Variants in TRIOBP observed in about 807,000 individuals in gnomAD.
TRIOBP encodes the protein TRIO and F-actin binding protein, also known as TRIO and F-actin-binding protein.
In TRIOBP, 169 loss-of-function variants were observed where a neutral mutation model predicts 238.8. That is an observed-to-expected ratio of 0.71 (90% CI 0.62 to 0.80). The LOEUF is 0.80. TRIOBP is among the 30% of genes least tolerant of loss of function. TRIOBP has a pLI of 0.00. For missense variants in TRIOBP, 2,838 were observed against 3,122.6 expected (o/e 0.91, Z 2.17); for synonymous variants, 1,150 against 1,274.4 (o/e 0.90, Z 2.08).
chr22:37,720,773 G>A (rs745442117), intron 6 of TRIOBP, among the ~76,000 whole-genome samples: 13 of 152,048 alleles, frequency 8.5e-5, no homozygotes, highest in Non-Finnish European at 1.8e-4. Context: ...TCAGCCTCCC[G>A]AAATGTTGGA....
At chr22:37,731,549 T>C (rs1381937686) in intron 7 of TRIOBP, among the ~76,000 whole-genome samples, 2 of 151,950 alleles carry the variant, frequency 1.3e-5, no homozygotes, top group African/African-American at 2.4e-5. Context: ...CTCCACCTCC[T>C]GGGGTCAAGC....
chr22:37,755,080 T>C, intron 13 of TRIOBP, 21 bp from the exon 14 acceptor site: 3 of 1,611,736 alleles, frequency 1.9e-6, no homozygotes, highest in South Asian at 1.1e-5. Context: ...ACACGGACCA[T>C]AGTGGGCCCT....
chr22:37,710,374 G>A lies in TRIOBP; in HGVS notation c.115-53G>A, dbSNP rs193107043. ...CACCGGGAGGGGCTGTGCAGGGGGA[G>A]GGGAGCCCCCACGTGGGCGCTGAGC... On this transcript the variant is annotated intron_variant, in intron 3 of 23. Transcript: ENST00000644935. 2.0e-3 allele frequency: 3,240 copies of A among 1,608,296 alleles called. 98 individuals carry two copies. In the Admixed American group the frequency reaches 0.05, roughly 25 times the overall value.
intron 18 of TRIOBP, 140 bp downstream of exon 18, chr22:37,765,957 T>C: frequency 8.3e-7 from 1 of 1,210,574 alleles, no homozygotes; most frequent in Non-Finnish European, 1.1e-6. Context: ...TCAGCAGGTG[T>C]TAGAAGCTCC....
intron 6 of TRIOBP, among the ~76,000 whole-genome samples, chr22:37,716,320 C>T (rs1923518062): frequency 6.6e-6 from 1 of 151,906 alleles, no homozygotes. Flanking sequence ...CCATGTTAGC[C>T]CAGCTGGTCT....
At chr22:37,765,481 G>A (rs1025644591) in intron 17 of TRIOBP, among the ~76,000 whole-genome samples, 189 bp from the exon 18 acceptor site, 8 of 150,744 alleles carry the variant, frequency 5.3e-5, no homozygotes, top group African/African-American at 1.5e-4. Context: ...AGGCAGGAGC[G>A]ACAAGGTGAG....
chr22:37,723,087 T>C (rs1049363654), intron 6 of TRIOBP, 98 bp from the exon 7 acceptor site: 1 of 1,235,740 alleles, frequency 8.1e-7, no homozygotes, highest in African/African-American at 1.5e-5. Flanking sequence ...GGGTGTGGGG[T>C]TTGCCCTAAT....
chr22:37,755,408 A>G (rs1289997506), intron 14 of TRIOBP, 142 bp from the exon 15 acceptor site: 2 of 921,874 alleles, frequency 2.2e-6, no homozygotes, highest in Admixed American at 2.0e-5. Context: ...AATGGAAGGG[A>G]GGTTTTGTAC....
Position 37,757,932 on chromosome 22 carries a change from G to A in TRIOBP, c.6007G>A (p.Gly2003Ser), listed in dbSNP as rs397516554. The change falls in exon 16 of 24, where the codon GGT (glycine) becomes AGT (serine). Residue 2003 changes from glycine to serine, a missense_variant. Gly to Ser is a moderately conservative substitution (Grantham distance 56, BLOSUM62 0). Transcript: ENST00000644935. Reference sequence around the variant, plus strand: ...CAGCAGGACCCCAGAGGTGCCTGCTGGTGAGGGGCCGCGCCGGGGCCTGGG... The same window carrying A: ...CAGCAGGACCCCAGAGGTGCCTGCTAGTGAGGGGCCGCGCCGGGGCCTGGG... Reference protein sequence around the residue: ...TDSRTPEVPAGEGPRRGLGAP... With the variant: ...TDSRTPEVPASEGPRRGLGAP... The A allele has an allele frequency of 3.8e-5, 59 of 1,556,118 alleles. No homozygotes were observed. In the African/African-American group the frequency reaches 4.8e-4, roughly 13 times the overall value.
At chr22:37,749,269 C>T (rs1432420146) in intron 11 of TRIOBP, among the ~76,000 whole-genome samples, 4 of 152,052 alleles carry the variant, frequency 2.6e-5, no homozygotes, top group South Asian at 2.1e-4. Flanking sequence ...GCAGGAGAAA[C>T]GCTTCAACCC....
In TRIOBP at chr22:37,725,203, C is replaced by T. The variant is rs753039856; in HGVS notation, c.2647C>T (p.Pro883Ser). 3.1e-6 allele frequency: 5 copies of T among 1,614,040 alleles called. No homozygotes were observed. The East Asian group carries it at 1.1e-4, about 36-fold the overall frequency. The change falls in exon 7 of 24, where the codon CCC becomes TCC. Residue 883 changes from proline (P) to serine (S), a missense_variant. Coordinates refer to ENST00000644935, the MANE Select transcript of TRIOBP (RefSeq NM_001039141.3). ...TQKENLRPSS[P>S]HRSTQWNNPR... ...AAAGGAGAATCTGAGACCATCATCT[C>T]CCCACCGCTCCACTCAATGGAACAA...
chr22:37,708,022 G>A lies in TRIOBP; in HGVS notation c.115-2405G>A, dbSNP rs1402039794. On this transcript the variant is annotated intron_variant, in intron 3 of 23. Coordinates refer to ENST00000644935, the MANE Select transcript of TRIOBP (RefSeq NM_001039141.3). The stretch of plus-strand genomic sequence containing the variant: ...AGCACTTTGGGAGGCCGAGGCGGGC[G>A]GATCACGAGATCAGGAGATCGAGAC... Among the ~76,000 whole-genome samples, 17 of 149,866 alleles carry A rather than the reference G, an allele frequency of 1.1e-4. No homozygotes were observed. The South Asian group carries it at 3.0e-3, about 26-fold the overall frequency.
chr22:37,713,103 C>G, intron 4 of TRIOBP, 107 bp from the exon 5 acceptor site: 1 of 1,010,134 alleles, frequency 9.9e-7, no homozygotes, highest in Non-Finnish European at 1.5e-6. Flanking sequence ...CTTTCCCACA[C>G]CAGCGTGTGG....
At chr22:37,717,472 C>G (rs1156287094) in intron 6 of TRIOBP, among the ~76,000 whole-genome samples, 1 of 152,196 alleles carries the variant, frequency 6.6e-6, no homozygotes, top group Non-Finnish European at 1.5e-5. Flanking sequence ...GCCGAGTGGT[C>G]TGTTTTGACA....
At chr22:37,712,316 C>T (rs887038006) in intron 4 of TRIOBP, among the ~76,000 whole-genome samples, 10 of 151,664 alleles carry the variant, frequency 6.6e-5, no homozygotes, top group African/African-American at 1.7e-4. Context: ...CCACCACACC[C>T]GACTAATTTT....
chr22:37,749,869 G>A (rs761363884), intron 11 of TRIOBP, among the ~76,000 whole-genome samples: 3 of 151,724 alleles, frequency 2.0e-5, no homozygotes, highest in South Asian at 2.1e-4. Flanking sequence ...TGGAAGGATC[G>A]CTTGAGCCCA....
intron 11 of TRIOBP, among the ~76,000 whole-genome samples, chr22:37,741,391 A>G (rs1265005517): frequency 6.6e-6 from 1 of 152,216 alleles, no homozygotes; most frequent in African/African-American, 2.4e-5. Flanking sequence ...CTGGGATTGC[A>G]AAGTGTGTCT....
rs554055171 is a variant in TRIOBP at position 37,776,342 on chromosome 22, G to A, written c.*2562G>A. On this transcript the variant is annotated 3_prime_UTR_variant, in exon 24 of 24. Coordinates refer to ENST00000644935, the MANE Select transcript of TRIOBP (RefSeq NM_001039141.3). ...GCTCCCAGGCGCTGCTGGTGCAAAT[G>A]TGCTTTGTTGCACCCACGGCAGGAA... The A allele has an allele frequency of 2.6e-4, 40 of 152,354 alleles. No homozygotes were observed. The highest frequency in any genetic ancestry group is 8.7e-4 in the African/African-American group (36 of 41,582). The allele number at this position is 152,354 out of a possible 1,614,324, so 9.4% of individuals were successfully genotyped here.
chr22:37,766,241 C>T (rs1054321049), intron 18 of TRIOBP, among the ~76,000 whole-genome samples: 2 of 152,266 alleles, frequency 1.3e-5, no homozygotes, highest in South Asian at 4.1e-4. Context: ...TCCATGCCAG[C>T]TGTGTGCCAG....
Sources: gnomAD v4.1 joint callset for allele counts (sites outside exome capture counted in the v4.1 genomes callset) on GRCh38, gnomAD v4.1.1 for gene constraint, MANE v1.5 for transcripts, NCBI Gene and HGNC (gene_info 2026-07-23, HGNC 2026-07-21) for gene names.